Variants in CHFR observed in about 807,000 individuals in gnomAD.
The protein encoded by CHFR is E3 ubiquitin-protein ligase CHFR.
Under a neutral mutation model 87.6 loss-of-function variants are expected in CHFR, and 57 were observed. The ratio of observed to expected loss-of-function variants is 0.65; its 90% confidence interval spans 0.53 to 0.81. The LOEUF (loss-of-function observed/expected upper bound fraction) is 0.81. Among genes scored for constraint, CHFR ranks in the 30% least tolerant of loss-of-function variants. The probability of loss-of-function intolerance (pLI) is 0.00; values close to 1 mark genes in which losing one functional copy is unlikely to be tolerated. For missense variants in CHFR, 797 were observed against 865.8 expected (o/e 0.92, Z 1.00); for synonymous variants, 381 against 359.2 (o/e 1.06, Z -0.69).
chr12:132,870,931 A>C (rs1402494761), intron 4 of CHFR, 148 bp from the exon 5 acceptor site: 1 of 512,674 alleles, frequency 2.0e-6, no homozygotes, highest in African/African-American at 1.9e-5. Flanking sequence ...AGAGATTTCA[A>C]AACAAGTAAT....
intron 6 of CHFR, among the ~76,000 whole-genome samples, chr12:132,868,666 C>T (rs1049280258): frequency 1.3e-5 from 2 of 152,206 alleles, no homozygotes; most frequent in South Asian, 2.1e-4. Flanking sequence ...AGCGACAGAG[C>T]GAGACTCCGT....
intron 2 of CHFR, among the ~76,000 whole-genome samples, chr12:132,885,455 A>AATTT (rs1483418275): frequency 7.0e-6 from 1 of 142,908 alleles, no homozygotes; most frequent in Non-Finnish European, 1.6e-5. Flanking sequence ...TAAATAAATA[A>AATTT]ATTTCTGTTG....
chr12:132,835,240 A>G lies in CHFR; in HGVS notation c.*6314T>C, dbSNP rs1950637478. 2 of 152,212 alleles carry G rather than the reference A, an allele frequency of 1.3e-5. No homozygotes were observed. The highest frequency in any genetic ancestry group is 4.8e-5 in the African/African-American group (2 of 41,442). The allele number at this position is 152,212 out of a possible 1,614,324, so 9.4% of individuals were successfully genotyped here. ...CCACGGAGTGTCAATGGTATCCAGC[A>G]TGTGGGGTTTGCCAAACAACAACAA... On this transcript the variant is annotated 3_prime_UTR_variant, in exon 18 of 18. Coordinates refer to ENST00000450056, the MANE Select transcript of CHFR (RefSeq NM_001161346.2).
intron 15 of CHFR, among the ~76,000 whole-genome samples, chr12:132,845,627 G>A (rs1392337410): frequency 6.6e-6 from 1 of 152,096 alleles, no homozygotes; most frequent in South Asian, 2.1e-4. Context: ...TCCAGCCTGG[G>A]CGACAGAGCA....
intron 11 of CHFR, among the ~76,000 whole-genome samples, chr12:132,852,937 C>T (rs1360956539): frequency 6.6e-6 from 1 of 152,222 alleles, no homozygotes; most frequent in African/African-American, 2.4e-5. Context: ...GCCCAGCTCT[C>T]CTCTGACTTC....
chr12:132,844,393 T>A (rs1373761224), intron 15 of CHFR, among the ~76,000 whole-genome samples: 1 of 152,060 alleles, frequency 6.6e-6, no homozygotes, highest in East Asian at 1.9e-4. Flanking sequence ...CACGCCATTC[T>A]CCTGCCTCAG....
intron 3 of CHFR, among the ~76,000 whole-genome samples, chr12:132,874,296 C>T (rs950875576): frequency 2.0e-5 from 3 of 152,066 alleles, no homozygotes; most frequent in Admixed American, 6.6e-5. Flanking sequence ...GCAGGCGGGA[C>T]GGCCCAGGAC....
chr12:132,882,706 G>GTTT (rs11287044), intron 2 of CHFR, among the ~76,000 whole-genome samples: 1 of 145,634 alleles, frequency 6.9e-6, no homozygotes. Context: ...AGAACATCAG[G>GTTT]TTTTTTTTTT....
intron 15 of CHFR, among the ~76,000 whole-genome samples, chr12:132,846,763 C>G (rs1279739540): frequency 1.3e-5 from 2 of 152,102 alleles, no homozygotes; most frequent in African/African-American, 4.8e-5. Flanking sequence ...GCCTGTAATC[C>G]CAGCTACTCA....
At chr12:132,864,830 G>T (rs9943702) in intron 6 of CHFR, among the ~76,000 whole-genome samples, 1 of 152,020 alleles carries the variant, frequency 6.6e-6, no homozygotes, top group African/African-American at 2.4e-5. Context: ...ATATAAATAC[G>T]CTGCCCTTTT....
chr12:132,859,441 C>T (rs933040462), intron 7 of CHFR, among the ~76,000 whole-genome samples: 1 of 152,084 alleles, frequency 6.6e-6, no homozygotes, highest in African/African-American at 2.4e-5. Context: ...AGCTCCGCCT[C>T]CCGGGTTCAT....
At chr12:132,848,606 G>C in intron 13 of CHFR, 35 bp downstream of exon 13, 1 of 1,522,718 alleles carries the variant, frequency 6.6e-7, no homozygotes, top group Non-Finnish European at 9.0e-7. Context: ...ACATGCAAAG[G>C]TCAAAGCAAC....
At chr12:132,887,501 G>A (rs1476415510) in intron 1 of CHFR, 46 bp downstream of exon 1, 1 of 262,336 alleles carries the variant, frequency 3.8e-6, no homozygotes, top group Non-Finnish European at 5.9e-6. Flanking sequence ...CCGCAACCAG[G>A]TCCCCCTTCG....
intron 16 of CHFR, 132 bp from the exon 17 acceptor site, chr12:132,843,215 T>G (rs563069451): frequency 5.1e-6 from 4 of 790,638 alleles, no homozygotes; most frequent in Admixed American, 2.1e-5. Flanking sequence ...CCATAACTAG[T>G]TTCCTCGGAC....
intron 15 of CHFR, 32 bp downstream of exon 15, chr12:132,847,011 G>A (rs370462959): frequency 1.6e-5 from 24 of 1,526,612 alleles, no homozygotes; most frequent in African/African-American, 8.2e-5. Context: ...ACTCACATGC[G>A]CCTTAGAGCA....
chr12:132,883,689 TG>T (rs1951820458), intron 2 of CHFR, among the ~76,000 whole-genome samples: 1 of 152,238 alleles, frequency 6.6e-6, no homozygotes, highest in African/African-American at 2.4e-5. Flanking sequence ...ATCGTGCCAC[TG>T]CACTCCAGAC....
chr12:132,839,684 C>T lies in CHFR; in HGVS notation c.*1870G>A, dbSNP rs573757831. 12 of 171,296 alleles carry T rather than the reference C, an allele frequency of 7.0e-5. No individual in the cohort carries two copies. The East Asian group carries it at 1.8e-3, about 26-fold the overall frequency. 10.6% of individuals were successfully genotyped at this position (171,296 alleles called of 1,614,324 possible). On this transcript the variant is annotated 3_prime_UTR_variant, in exon 18 of 18. Coordinates refer to ENST00000450056, the MANE Select transcript of CHFR (RefSeq NM_001161346.2). ...GGACCTCCCCTCTCCCTCACCCCTG[C>T]ACCAACTCAAGACTTCCCTTCTTGG...
chr12:132,882,366 G>A (rs1170531364), intron 2 of CHFR, among the ~76,000 whole-genome samples: 1 of 152,208 alleles, frequency 6.6e-6, no homozygotes, highest in Non-Finnish European at 1.5e-5. Flanking sequence ...CAGGAGCCGG[G>A]ACTCAGGGGG....
At position 132,839,237 on chromosome 12, in the gene CHFR, C is replaced by T. The variant is rs1950671154; in HGVS notation, c.*2317G>A. The T allele has an allele frequency of 5.9e-6, 1 of 168,814 alleles. No individual in the cohort carries two copies. The highest frequency in any genetic ancestry group is 1.3e-5 in the Non-Finnish European group (1 of 77,752). The allele number at this position is 168,814 out of a possible 1,614,324, so 10.5% of individuals were successfully genotyped here. ...CTAAGACACAGACGCAGGGTAGCCC[C>T]AGCCCACTTCATTGGCGAATGCCAG... On this transcript the variant is annotated 3_prime_UTR_variant, in exon 18 of 18. Transcript: ENST00000450056.
Sources: gnomAD v4.1 joint callset for allele counts (sites outside exome capture counted in the v4.1 genomes callset) on GRCh38, gnomAD v4.1.1 for gene constraint, MANE v1.5 for transcripts, NCBI Gene and HGNC (gene_info 2026-07-23, HGNC 2026-07-21) for gene names.